MAD1L1: variants seen among roughly 807,000 people sequenced by gnomAD.
MAD1L1 encodes the protein mitotic spindle assembly checkpoint protein MAD1.
In MAD1L1, 95 loss-of-function variants were observed where a neutral mutation model predicts 96.9. The observed-to-expected ratio is 0.98, with a 90% CI of 0.83 to 1.16. The LOEUF (loss-of-function observed/expected upper bound fraction) is 1.16. MAD1L1 is among the 50% of genes most tolerant of loss of function. The probability of loss-of-function intolerance (pLI) is 0.00; values close to 1 mark genes in which losing one functional copy is unlikely to be tolerated. For missense variants in MAD1L1, 1,007 were observed against 954.4 expected (o/e 1.06, Z -0.73); for synonymous variants, 473 against 396.6 (o/e 1.19, Z -2.29).
intron 3 of MAD1L1, among the ~76,000 whole-genome samples, chr7:2,228,740 G>A (rs1408192638): frequency 8.8e-6 from 1 of 113,890 alleles, no homozygotes; most frequent in Admixed American, 8.9e-5. Context: ...CTAGCAACTA[G>A]CATTCTTTTT....
intron 1 of MAD1L1, among the ~76,000 whole-genome samples, chr7:2,231,845 C>G (rs1794207707): frequency 6.6e-6 from 1 of 151,986 alleles, no homozygotes; most frequent in African/African-American, 2.4e-5. Context: ...AAACTCATGA[C>G]AGTGAAATCT....
At chr7:2,126,598 T>C (rs3778982) in intron 11 of MAD1L1, among the ~76,000 whole-genome samples, 44,935 of 152,100 alleles carry the variant, frequency 0.3, 8,185 homozygotes, top group East Asian at 0.51. Context: ...CCAGCCTTCC[T>C]TGGGACCAAG....
chr7:2,161,240 G>A (rs990489644), intron 10 of MAD1L1, among the ~76,000 whole-genome samples: 2 of 151,526 alleles, frequency 1.3e-5, no homozygotes, highest in Non-Finnish European at 2.9e-5. Context: ...CTGAGTGCCT[G>A]AGATTGCAGG....
chr7:2,024,165 G>A (rs939247484), intron 12 of MAD1L1, among the ~76,000 whole-genome samples: 6 of 151,450 alleles, frequency 4.0e-5, no homozygotes, highest in Non-Finnish European at 8.8e-5. Context: ...AAGTGAAAGA[G>A]GAGCCATCAC....
At position 1,912,274 on chromosome 7, in the gene MAD1L1, C is replaced by A. The variant is rs561551938; in HGVS notation, c.1808-13884G>T. 1.2e-4 allele frequency among the ~76,000 whole-genome samples: 19 copies of A among 152,342 alleles called. No homozygotes were observed. In the South Asian group the frequency reaches 3.9e-3, roughly 32 times the overall value. On this transcript the variant is annotated intron_variant, in intron 17 of 18. Transcript: ENST00000265854. ...GAAGGATGGCCATCTGAGAGACAGACAGCAAATGGGGGCATGTGTGGCTCA... is the reference window on the plus strand; with the variant it reads ...GAAGGATGGCCATCTGAGAGACAGAAAGCAAATGGGGGCATGTGTGGCTCA...
At chr7:2,092,511 C>G (rs777886676) in intron 11 of MAD1L1, among the ~76,000 whole-genome samples, 1 of 151,946 alleles carries the variant, frequency 6.6e-6, no homozygotes, top group Non-Finnish European at 1.5e-5. Flanking sequence ...CCCTCACACA[C>G]CTGCCCTCTG....
At position 2,055,475 on chromosome 7, in the gene MAD1L1, C is replaced by A. The variant is rs145942547; in HGVS notation, c.1218+13719G>T. On this transcript the variant is annotated intron_variant, in intron 12 of 18. Coordinates refer to ENST00000265854, the MANE Select transcript of MAD1L1 (RefSeq NM_001013836.2). ...GACCGCAGGCTGCACCCCAGAGCTACCAAGTCACACTCAGATTTCCACGAT... is the reference window on the plus strand; with the variant it reads ...GACCGCAGGCTGCACCCCAGAGCTAACAAGTCACACTCAGATTTCCACGAT... 1.7e-3 allele frequency among the ~76,000 whole-genome samples: 253 copies of A among 152,146 alleles called. 1 individual carries two copies. The highest frequency in any genetic ancestry group is 5.8e-3 in the African/African-American group (240 of 41,488).
At position 1,818,104 on chromosome 7, in the gene MAD1L1, C is replaced by G. The variant is rs115716486; in HGVS notation, c.1999-1876G>C. On this transcript the variant is annotated intron_variant, in intron 18 of 18. Transcript: ENST00000265854. ...TGACCTTTCGCTGAGAAAATCCTTTCACTTCTGCCTTCTGCTCTTGATTCT... is the reference window on the plus strand; with the variant it reads ...TGACCTTTCGCTGAGAAAATCCTTTGACTTCTGCCTTCTGCTCTTGATTCT... 6.2e-3 allele frequency among the ~76,000 whole-genome samples: 937 copies of G among 152,266 alleles called. 12 individuals are homozygous for G. Among genetic ancestry groups the G allele is most frequent in the African/African-American group, 0.022 (894 of 41,572 alleles).
At chr7:2,095,861 G>A (rs1021019464) in intron 11 of MAD1L1, among the ~76,000 whole-genome samples, 8 of 152,224 alleles carry the variant, frequency 5.3e-5, no homozygotes, top group Non-Finnish European at 2.9e-5. Context: ...CACACTTGCC[G>A]GCAGCCCTAG....
At chr7:2,217,766 C>T (rs572388205) in intron 7 of MAD1L1, among the ~76,000 whole-genome samples, 196 bp downstream of exon 7, 1 of 152,338 alleles carries the variant, frequency 6.6e-6, no homozygotes, top group Admixed American at 6.5e-5. Context: ...CTAGAATACA[C>T]GCTCCCAAGA....
chr7:1,898,163 G>A (rs1562501792), intron 18 of MAD1L1, 37 bp downstream of exon 18: 2 of 1,562,302 alleles, frequency 1.3e-6, no homozygotes, highest in Admixed American at 1.9e-5. Flanking sequence ...GAGACAGAGA[G>A]CGAGACAGCC....
chr7:1,920,227 C>T (rs1224151926), intron 17 of MAD1L1, among the ~76,000 whole-genome samples: 1 of 152,246 alleles, frequency 6.6e-6, no homozygotes, highest in Non-Finnish European at 1.5e-5. Context: ...CTGTAACAAG[C>T]ATCTCCGTGT....
At chr7:1,939,993 C>G (rs1778868631) in intron 16 of MAD1L1, 3 of 152,570 alleles carry the variant, frequency 2.0e-5, no homozygotes. Context: ...CCACCCCGGA[C>G]TCTAAGACAT....
At chr7:2,027,314 A>T (rs971086333) in intron 12 of MAD1L1, among the ~76,000 whole-genome samples, 3 of 152,250 alleles carry the variant, frequency 2.0e-5, no homozygotes, top group African/African-American at 7.2e-5. Context: ...TTATAAAACG[A>T]TTACAGAAAA....
chr7:1,821,609 G>A (rs1467569668), intron 18 of MAD1L1, among the ~76,000 whole-genome samples: 1 of 152,154 alleles, frequency 6.6e-6, no homozygotes, highest in East Asian at 1.9e-4. Context: ...TTCAGTTTAG[G>A]TGTACAACGA....
At chr7:1,873,636 C>T (rs907725072) in intron 18 of MAD1L1, among the ~76,000 whole-genome samples, 1 of 152,022 alleles carries the variant, frequency 6.6e-6, no homozygotes, top group Admixed American at 6.5e-5. Context: ...TGGCAGGGGA[C>T]ACACCAGCTG....
In MAD1L1 at chr7:2,190,555, T is replaced by C. The variant is rs189629279; in HGVS notation, c.986+22657A>G. Among the ~76,000 whole-genome samples the C allele has an allele frequency of 7.2e-5, 11 of 152,310 alleles. No individual in the cohort carries two copies. The East Asian group carries it at 1.9e-3, about 27-fold the overall frequency. ...ACGTACCGGGAGAAAATATTCACCA[T>C]ACATCTGACAAAAGACTCTGTCATG... On this transcript the variant is annotated intron_variant, in intron 10 of 18. Coordinates refer to ENST00000265854, the MANE Select transcript of MAD1L1 (RefSeq NM_001013836.2).
intron 10 of MAD1L1, among the ~76,000 whole-genome samples, chr7:2,211,887 G>A (rs1272614258): frequency 1.3e-5 from 2 of 152,194 alleles, no homozygotes; most frequent in South Asian, 4.1e-4. Context: ...TAGTTTCCAA[G>A]AACAGCAGGA....
At position 2,161,801 on chromosome 7, in the gene MAD1L1, C is replaced by T. The variant is rs552003282; in HGVS notation, c.987-12563G>A. Among the ~76,000 whole-genome samples the T allele has an allele frequency of 2.0e-3, 302 of 151,990 alleles. 1 individual carries two copies. Among genetic ancestry groups the T allele is most frequent in the African/African-American group, 7.0e-3 (291 of 41,442 alleles). ...GAGTGCCTCTGCCCCACCGCCACCC[C>T]GTCTGGGAGGTGAGGAGCATCTCTG... is the stretch of plus-strand genomic sequence containing the variant. On this transcript the variant is annotated intron_variant, in intron 10 of 18. Transcript: ENST00000265854.
Sources: gnomAD v4.1 joint callset for allele counts (sites outside exome capture counted in the v4.1 genomes callset) on GRCh38, gnomAD v4.1.1 for gene constraint, MANE v1.5 for transcripts, NCBI Gene and HGNC (gene_info 2026-07-23, HGNC 2026-07-21) for gene names.